The following LRRC4C variants were observed in gnomAD, a reference collection of about 807,000 sequenced individuals.
LRRC4C encodes the protein leucine rich repeat containing 4C, also known as leucine-rich repeat-containing protein 4C.
In LRRC4C, 5 loss-of-function variants were observed where a neutral mutation model predicts 33.6. That is an observed-to-expected ratio of 0.15 (90% CI 0.08 to 0.31). The LOEUF is 0.31. LRRC4C is among the 10% of genes least tolerant of loss of function. The pLI, the probability that LRRC4C is intolerant of heterozygous loss-of-function variation, is 1.00. For missense variants in LRRC4C, 560 were observed against 796.7 expected, an observed-to-expected ratio of 0.70 and a Z score of 3.58; for synonymous variants, 329 against 302.0, an observed-to-expected ratio of 1.09 and a Z score of -0.93.
chr11:40,851,632 A>T (rs1953503757), intron 2 of LRRC4C, among the ~76,000 whole-genome samples: 1 of 152,164 alleles, frequency 6.6e-6, no homozygotes, highest in African/African-American at 2.4e-5. Flanking sequence ...AAATGAAAAC[A>T]GCCAAAAGGA....
In LRRC4C at chr11:40,583,116, T is replaced by G. The variant is rs1042187655; in HGVS notation, c.-270+65026A>C. Among the ~76,000 whole-genome samples, 5 of 152,200 alleles carry G rather than the reference T, an allele frequency of 3.3e-5. No individual in the cohort carries two copies. In the East Asian group the frequency reaches 9.7e-4, roughly 29 times the overall value. ...AACCAACCTCTCTTCATTCTCTTTT[T>G]TATGTCCTTTCTTTCACCCAACTTT... On this transcript the variant is annotated intron_variant, in intron 3 of 6. Coordinates refer to ENST00000528697, the MANE Select transcript of LRRC4C (RefSeq NM_001258419.2).
In LRRC4C at chr11:40,507,811, C is replaced by T. The variant is rs997998613; in HGVS notation, c.-270+140331G>A. On this transcript the variant is annotated intron_variant, in intron 3 of 6. Transcript: ENST00000528697. ...CTGGAGTGCAGTGGCACCATCTCAG[C>T]TCACTGCAGCCTCCACCTCCTGGAT... Among the ~76,000 whole-genome samples the T allele has an allele frequency of 4.0e-4, 60 of 150,858 alleles. 1 individual carries two copies. The highest frequency in any genetic ancestry group is 2.1e-4 in the Non-Finnish European group (14 of 67,906).
chr11:41,121,842 G>A (rs1942448663), intron 1 of LRRC4C, among the ~76,000 whole-genome samples: 1 of 152,024 alleles, frequency 6.6e-6, no homozygotes, highest in Non-Finnish European at 1.5e-5. Flanking sequence ...ATCAAGCCTA[G>A]GCAGATCAAT....
intron 1 of LRRC4C, among the ~76,000 whole-genome samples, chr11:41,344,587 G>A (rs1951746095): frequency 6.6e-6 from 1 of 151,946 alleles, no homozygotes; most frequent in Non-Finnish European, 1.5e-5. Flanking sequence ...CCTGTGGTTG[G>A]TTTTGACTAA....
intron 2 of LRRC4C, among the ~76,000 whole-genome samples, chr11:40,821,278 G>A (rs1486731037): frequency 1.3e-5 from 2 of 151,180 alleles, no homozygotes; most frequent in African/African-American, 4.8e-5. Flanking sequence ...CTATTTTTTG[G>A]GGAAATTGAC....
At chr11:41,177,470 T>C (rs771682372) in intron 1 of LRRC4C, among the ~76,000 whole-genome samples, 2 of 152,332 alleles carry the variant, frequency 1.3e-5, no homozygotes, top group Non-Finnish European at 2.9e-5. Context: ...GGTCTTTGTA[T>C]GATCACAACT....
chr11:40,704,493 C>A (rs1045305809), intron 2 of LRRC4C, among the ~76,000 whole-genome samples: 1 of 152,106 alleles, frequency 6.6e-6, no homozygotes, highest in African/African-American at 2.4e-5. Context: ...TCATCTCCAA[C>A]CATGGTAGGT....
chr11:41,135,981 CA>C (rs1943242364), intron 1 of LRRC4C, among the ~76,000 whole-genome samples: 1 of 152,114 alleles, frequency 6.6e-6, no homozygotes, highest in East Asian at 1.9e-4. Context: ...ACACAATAGG[CA>C]TTTATTGAGT....
At chr11:41,412,920 C>A (rs79371681) in intron 1 of LRRC4C, among the ~76,000 whole-genome samples, 9,495 of 152,182 alleles carry the variant, frequency 0.062, 351 homozygotes, top group East Asian at 0.13. Flanking sequence ...TTCATTCCAG[C>A]CCCTCTCTCA....
chr11:41,452,244 G>C (rs1590328129), intron 1 of LRRC4C, among the ~76,000 whole-genome samples: 2 of 152,020 alleles, frequency 1.3e-5, no homozygotes, highest in African/African-American at 4.8e-5. Flanking sequence ...TCTGTGACTT[G>C]TTACCTAAAG....
At chr11:41,238,592 C>T (rs1302522915) in intron 1 of LRRC4C, among the ~76,000 whole-genome samples, 3 of 152,128 alleles carry the variant, frequency 2.0e-5, no homozygotes, top group African/African-American at 7.2e-5. Flanking sequence ...AGGCACAGAT[C>T]CTCCTTTGCT....
chr11:40,762,543 C>T (rs918920274), intron 2 of LRRC4C, among the ~76,000 whole-genome samples: 1 of 152,058 alleles, frequency 6.6e-6, no homozygotes, highest in East Asian at 1.9e-4. Context: ...AACAGAGTTG[C>T]CACTGGTTCA....
intron 1 of LRRC4C, among the ~76,000 whole-genome samples, chr11:41,419,545 A>G (rs1030279714): frequency 6.6e-6 from 1 of 151,974 alleles, no homozygotes; most frequent in African/African-American, 2.4e-5. Flanking sequence ...GGGGAAAATC[A>G]GAAAGGTCAC....
At chr11:41,122,879 T>TATTTTATA (rs1248698265) in intron 1 of LRRC4C, 2 of 152,136 alleles carry the variant, frequency 1.3e-5, no homozygotes, top group Non-Finnish European at 2.9e-5. Context: ...CTAAACAATT[T>TATTTTATA]ATTTTATAAT....
intron 1 of LRRC4C, among the ~76,000 whole-genome samples, chr11:41,113,129 A>G (rs1048518671): frequency 6.6e-6 from 1 of 152,102 alleles, no homozygotes; most frequent in African/African-American, 2.4e-5. Flanking sequence ...TTGCTAAGAC[A>G]TAGAGAGGAA....
intron 1 of LRRC4C, among the ~76,000 whole-genome samples, chr11:40,969,006 C>A (rs1394297656): frequency 6.6e-6 from 1 of 152,074 alleles, no homozygotes; most frequent in Admixed American, 6.6e-5. Flanking sequence ...GGAGAGCACA[C>A]TGAAAATCTT....
chr11:41,044,550 C>T (rs4756630), intron 1 of LRRC4C, among the ~76,000 whole-genome samples: 40,332 of 151,924 alleles, frequency 0.27, 6,035 homozygotes, highest in East Asian at 0.38. Flanking sequence ...TTGTTAACTG[C>T]CATCAAGGAA....
At chr11:40,255,928 A>C (rs1867169983) in intron 4 of LRRC4C, among the ~76,000 whole-genome samples, 1 of 152,232 alleles carries the variant, frequency 6.6e-6, no homozygotes, top group South Asian at 2.1e-4. Context: ...ATACCAACTC[A>C]TGTTTTACTA....
rs563973311 is a variant in LRRC4C, at chr11:40,787,789, T to C, written c.-406-139511A>G. Among the ~76,000 whole-genome samples the C allele has an allele frequency of 3.9e-5, 6 of 152,348 alleles. No individual in the cohort carries two copies. In the South Asian group the frequency reaches 1.2e-3, roughly 32 times the overall value. ...ATTGGAGCTAGCTGAGTGTAAAGTCTAACCATGCTTTTTCCAAATGACTAT... is the reference window on the plus strand; with the variant it reads ...ATTGGAGCTAGCTGAGTGTAAAGTCCAACCATGCTTTTTCCAAATGACTAT... On this transcript the variant is annotated intron_variant, in intron 2 of 6. Transcript: ENST00000528697.
Sources: allele counts gnomAD v4.1 joint callset (sites outside exome capture counted in the v4.1 genomes callset), GRCh38; gene constraint gnomAD v4.1.1; transcripts MANE v1.5; gene names NCBI Gene and HGNC (gene_info 2026-07-23, HGNC 2026-07-21).